Variants in BBX observed in about 807,000 individuals in gnomAD.
BBX encodes BBX high mobility group box domain containing.
BBX carries 30 observed loss-of-function variants against 100.2 expected under a neutral mutation model. That is an observed-to-expected ratio of 0.30 (90% CI 0.22 to 0.41). BBX has a LOEUF of 0.41. Among genes scored for constraint, BBX ranks in the 10% least tolerant of loss-of-function variants. The pLI is 1.00. For synonymous variants in BBX, 376 were observed against 388.1 expected (o/e 0.97, Z 0.37); for missense variants, 1,023 against 1,129.8 (o/e 0.91, Z 1.35).
At chr3:107,528,680 G>A (rs1186437629) in intron 2 of BBX, among the ~76,000 whole-genome samples, 3 of 152,154 alleles carry the variant, frequency 2.0e-5, no homozygotes, top group African/African-American at 4.8e-5. Flanking sequence ...TGAAAATGAG[G>A]TTGCACATAT....
chr3:107,543,538 G>C (rs1436235915), intron 2 of BBX, among the ~76,000 whole-genome samples: 1 of 152,174 alleles, frequency 6.6e-6, no homozygotes, highest in East Asian at 1.9e-4. Flanking sequence ...ACTTTATTTA[G>C]TGGCACAACA....
intron 2 of BBX, among the ~76,000 whole-genome samples, chr3:107,635,262 A>G (rs552070675): frequency 3.4e-4 from 51 of 151,992 alleles, no homozygotes; most frequent in Admixed American, 5.9e-4. Flanking sequence ...ATGTATGGTA[A>G]CTCTCACTGA....
At chr3:107,559,756 T>G (rs1413861637) in intron 2 of BBX, among the ~76,000 whole-genome samples, 2 of 152,234 alleles carry the variant, frequency 1.3e-5, no homozygotes, top group Admixed American at 6.5e-5. Context: ...GTTTTGTTTT[T>G]TCTTTAAACA....
rs775647761 is a variant in BBX at position 107,606,485 on chromosome 3, A to G, written c.-83-39351A>G. Reference sequence around the variant, plus strand: ...CTGGTTTTATTAACCTGAGGCTGGCATCATATCATAATAATACCATGTGAT... The same window carrying G: ...CTGGTTTTATTAACCTGAGGCTGGCGTCATATCATAATAATACCATGTGAT... On this transcript the variant is annotated intron_variant, in intron 2 of 17. Coordinates refer to ENST00000325805, the MANE Select transcript of BBX (RefSeq NM_001142568.3). Among the ~76,000 whole-genome samples, 28 of 152,204 alleles carry G rather than the reference A, an allele frequency of 1.8e-4. 1 individual carries two copies. Among genetic ancestry groups the G allele is most frequent in the Non-Finnish European group, 1.2e-4 (8 of 68,030 alleles).
At chr3:107,584,670 A>ATTT (rs1260656507) in intron 2 of BBX, among the ~76,000 whole-genome samples, 6 of 69,778 alleles carry the variant, frequency 8.6e-5, no homozygotes, top group South Asian at 4.4e-4. Context: ...TTCCGTTGAA[A>ATTT]TCTTTTTTTT....
chr3:107,588,631 T>G (rs938425217), intron 2 of BBX, among the ~76,000 whole-genome samples: 2 of 152,192 alleles, frequency 1.3e-5, no homozygotes, highest in African/African-American at 2.4e-5. Context: ...GTGCCTGAAT[T>G]TCCCATTTCC....
chr3:107,758,682 AGGT>A (rs888209488), intron 10 of BBX, among the ~76,000 whole-genome samples: 1 of 152,190 alleles, frequency 6.6e-6, no homozygotes, highest in Non-Finnish European at 1.5e-5. Context: ...CCCTCTGATT[AGGT>A]GGCACCCCTG....
At chr3:107,719,269 T>G (rs1008864800) in intron 5 of BBX, among the ~76,000 whole-genome samples, 1 of 152,054 alleles carries the variant, frequency 6.6e-6, no homozygotes, top group Non-Finnish European at 1.5e-5. Context: ...GCAAGACAGA[T>G]TCTTTCAGCA....
chr3:107,567,634 T>G (rs553375208), intron 2 of BBX, among the ~76,000 whole-genome samples: 2 of 152,292 alleles, frequency 1.3e-5, no homozygotes, highest in East Asian at 3.9e-4. Flanking sequence ...GTCATTTTGT[T>G]TTAGGTGTAT....
intron 2 of BBX, among the ~76,000 whole-genome samples, chr3:107,540,581 T>G (rs1361888797): frequency 6.6e-6 from 1 of 152,184 alleles, no homozygotes; most frequent in Non-Finnish European, 1.5e-5. Flanking sequence ...ATGTAGATAA[T>G]GATTTTAAGC....
intron 3 of BBX, among the ~76,000 whole-genome samples, chr3:107,646,931 G>A (rs1429099023): frequency 6.6e-6 from 1 of 152,046 alleles, no homozygotes; most frequent in African/African-American, 2.4e-5. Flanking sequence ...TCTCCTAAAA[G>A]TCATTGTCTA....
chr3:107,801,414 T>A, intron 17 of BBX, 133 bp downstream of exon 17: 1 of 895,822 alleles, frequency 1.1e-6, no homozygotes, highest in Non-Finnish European at 1.7e-6. Context: ...TATGAGGTAT[T>A]ACAAAAGCAT....
At chr3:107,605,068 C>T (rs2054329499) in intron 2 of BBX, among the ~76,000 whole-genome samples, 1 of 152,182 alleles carries the variant, frequency 6.6e-6, no homozygotes, top group African/African-American at 2.4e-5. Context: ...TGCCTTTTCA[C>T]AATCAAAATA....
intron 15 of BBX, among the ~76,000 whole-genome samples, 175 bp from the exon 16 acceptor site, chr3:107,798,348 G>C (rs1559786273): frequency 1.3e-5 from 2 of 152,166 alleles, no homozygotes. Flanking sequence ...ATATCAATTG[G>C]TAGTAAACAA....
At chr3:107,532,621 A>G (rs2048238275) in intron 2 of BBX, among the ~76,000 whole-genome samples, 1 of 152,218 alleles carries the variant, frequency 6.6e-6, no homozygotes, top group Non-Finnish European at 1.5e-5. Flanking sequence ...TCTCAAAACA[A>G]TGTGAAAACC....
At chr3:107,740,427 G>T (rs1204256045) in intron 7 of BBX, among the ~76,000 whole-genome samples, 3 of 151,936 alleles carry the variant, frequency 2.0e-5, no homozygotes, top group Non-Finnish European at 2.9e-5. Context: ...CTTTGATTCA[G>T]TTGGAGTCTC....
chr3:107,681,399 A>G (rs1340348305), intron 3 of BBX, among the ~76,000 whole-genome samples: 1 of 152,132 alleles, frequency 6.6e-6, no homozygotes, highest in Non-Finnish European at 1.5e-5. Flanking sequence ...CTAGGGATCA[A>G]TTTAGAGCAG....
At chr3:107,617,432 T>G (rs1053559106) in intron 2 of BBX, among the ~76,000 whole-genome samples, 1 of 152,188 alleles carries the variant, frequency 6.6e-6, no homozygotes, top group Non-Finnish European at 1.5e-5. Flanking sequence ...TACAAGATTA[T>G]AGGATGTGTC....
At chr3:107,643,319 T>C (rs612846) in intron 2 of BBX, among the ~76,000 whole-genome samples, 52,721 of 151,952 alleles carry the variant, frequency 0.35, 10,215 homozygotes, top group East Asian at 0.88. Flanking sequence ...GGACAAATAA[T>C]ATTTAATAGA....
Sources: gnomAD v4.1 joint callset for allele counts (sites outside exome capture counted in the v4.1 genomes callset) on GRCh38, gnomAD v4.1.1 for gene constraint, MANE v1.5 for transcripts, NCBI Gene and HGNC (gene_info 2026-07-23, HGNC 2026-07-21) for gene names.